The following RPS6KA6 variants were observed in gnomAD, a reference collection of about 807,000 sequenced individuals.
RPS6KA6 encodes ribosomal protein S6 kinase alpha-6.
A neutral mutation model predicts 65.4 loss-of-function variants in RPS6KA6; 27 were observed. The ratio of observed to expected loss-of-function variants is 0.41; its 90% CI spans 0.30 to 0.57. The LOEUF (loss-of-function observed/expected upper bound fraction) is 0.57. Among genes scored for constraint, RPS6KA6 ranks in the 20% least tolerant of loss-of-function variants. RPS6KA6 has a pLI of 0.24. For synonymous variants in RPS6KA6, 190 were observed against 184.2 expected, an observed-to-expected ratio of 1.03 and a Z score of -0.26; for missense variants, 486 against 555.6, an observed-to-expected ratio of 0.87 and a Z score of 1.26.
chrX:84,167,188 A>G (rs2061823554), intron 1 of RPS6KA6, among the ~76,000 whole-genome samples: 1 of 112,013 alleles, frequency 8.9e-6, no homozygotes, highest in African/African-American at 3.2e-5. Flanking sequence ...GAAATCATGG[A>G]GACCAGAAAA....
chrX:84,059,632 G>A lies in RPS6KA6; in HGVS notation c.*4645C>T, dbSNP rs934689434. On this transcript the variant is annotated 3_prime_UTR_variant, in exon 22 of 22. Coordinates refer to ENST00000262752, the MANE Select transcript of RPS6KA6 (RefSeq NM_014496.5). Reference sequence around the variant, plus strand: ...ACATTTTGACAATTTTTTAATAAACGAATGCAGTTAGTACATTCTCTATAA... The same window carrying A: ...ACATTTTGACAATTTTTTAATAAACAAATGCAGTTAGTACATTCTCTATAA... 4.6e-5 allele frequency: 5 copies of A among 108,478 alleles called. No homozygotes were observed. The highest frequency in any genetic ancestry group is 1.3e-4 in the African/African-American group (4 of 30,139). 8.9% of individuals were successfully genotyped at this position (108,478 alleles called of 1,213,427 possible).
At chrX:84,118,631 C>A (rs752952688) in intron 9 of RPS6KA6, among the ~76,000 whole-genome samples, 2 of 111,640 alleles carry the variant, frequency 1.8e-5, no homozygotes, top group Admixed American at 9.5e-5. Flanking sequence ...ATTCTTTGAA[C>A]CCCCTAAAGC....
chrX:84,076,626 C>T (rs1160530367), intron 20 of RPS6KA6, among the ~76,000 whole-genome samples: 1 of 111,345 alleles, frequency 9.0e-6, no homozygotes, highest in African/African-American at 3.3e-5. Context: ...TTTCATCAAA[C>T]CAGAAACAAA....
At chrX:84,131,069 G>A (rs1024316897) in intron 8 of RPS6KA6, among the ~76,000 whole-genome samples, 4 of 111,939 alleles carry the variant, frequency 3.6e-5, no homozygotes, top group African/African-American at 1.3e-4. Context: ...TTTATCCAGT[G>A]TTTCCCATGG....
At chrX:84,115,298 T>C (rs1020148982) in intron 12 of RPS6KA6, among the ~76,000 whole-genome samples, 5 of 111,611 alleles carry the variant, frequency 4.5e-5, no homozygotes, top group Middle Eastern at 4.2e-3. Context: ...GGGCAAAGGA[T>C]ATGAACACGC....
At chrX:84,132,754 G>T (rs1393896691) in intron 8 of RPS6KA6, among the ~76,000 whole-genome samples, 1 of 107,135 alleles carries the variant, frequency 9.3e-6, no homozygotes. Flanking sequence ...TCATTCTACT[G>T]ATCTGTTATA....
chrX:84,075,228 T>G (rs1204849894), intron 20 of RPS6KA6, among the ~76,000 whole-genome samples: 1 of 108,555 alleles, frequency 9.2e-6, no homozygotes, highest in African/African-American at 3.4e-5. Flanking sequence ...CGAGACTCCG[T>G]CGCAAAACAA....
intron 2 of RPS6KA6, among the ~76,000 whole-genome samples, chrX:84,162,705 A>G (rs1407257834): frequency 8.9e-6 from 1 of 112,013 alleles, no homozygotes; most frequent in Non-Finnish European, 1.9e-5. Flanking sequence ...TTGTGAATTT[A>G]TTAATGCTAA....
chrX:84,114,763 A>G (rs1216776990), intron 12 of RPS6KA6, among the ~76,000 whole-genome samples: 1 of 111,962 alleles, frequency 8.9e-6, no homozygotes, highest in Non-Finnish European at 1.9e-5. Flanking sequence ...AAATAGACAC[A>G]TAGATCAATG....
chrX:84,103,395 T>A (rs2147423022), intron 17 of RPS6KA6, among the ~76,000 whole-genome samples: 1 of 110,604 alleles, frequency 9.0e-6, no homozygotes, highest in Admixed American at 9.6e-5. Context: ...TAAAAAAAAA[T>A]GCTGAAATTC....
chrX:84,162,185 C>T (rs2147601607), intron 2 of RPS6KA6, among the ~76,000 whole-genome samples: 1 of 109,954 alleles, frequency 9.1e-6, no homozygotes, highest in African/African-American at 3.3e-5. Flanking sequence ...CTAATACTTA[C>T]CATCACAGAG....
intron 18 of RPS6KA6, among the ~76,000 whole-genome samples, chrX:84,101,081 G>C (rs1057019902): frequency 9.0e-6 from 1 of 110,850 alleles, no homozygotes; most frequent in Non-Finnish European, 1.9e-5. Context: ...ATATATAGAA[G>C]ATAGGAATTC....
intron 20 of RPS6KA6, among the ~76,000 whole-genome samples, chrX:84,084,111 C>T (rs2033864692): frequency 8.9e-6 from 1 of 112,169 alleles, no homozygotes; most frequent in African/African-American, 3.2e-5. Context: ...AATACTAGAC[C>T]TTTGTCAGAT....
chrX:84,182,053 TCTCTCTCTCTCACA>T (rs1466107083), intron 1 of RPS6KA6, among the ~76,000 whole-genome samples: 11 of 93,251 alleles, frequency 1.2e-4, no homozygotes, highest in African/African-American at 2.6e-4. Context: ...TCTCTCTCTC[TCTCTCTCTCTCACA>T]CACACACACA....
At chrX:84,157,371 A>G (rs1441108859) in intron 2 of RPS6KA6, among the ~76,000 whole-genome samples, 1 of 112,017 alleles carries the variant, frequency 8.9e-6, no homozygotes, top group Non-Finnish European at 1.9e-5. Flanking sequence ...CCTTTTAAAT[A>G]GTGATGGTAA....
intron 1 of RPS6KA6, among the ~76,000 whole-genome samples, chrX:84,182,128 G>T (rs1393683740): frequency 9.4e-6 from 1 of 106,522 alleles, no homozygotes; most frequent in African/African-American, 3.4e-5. Context: ...TGTTTCTAAT[G>T]TAGAGATACA....
At chrX:84,151,499 T>C (rs2035325289) in intron 3 of RPS6KA6, among the ~76,000 whole-genome samples, 1 of 110,483 alleles carries the variant, frequency 9.1e-6, no homozygotes, top group Non-Finnish European at 1.9e-5. Context: ...GCTCACTCCA[T>C]TCATTTTTGA....
chrX:84,150,393 A>G (rs1487290461), intron 3 of RPS6KA6, among the ~76,000 whole-genome samples: 1 of 111,623 alleles, frequency 9.0e-6, no homozygotes, highest in Non-Finnish European at 1.9e-5. Context: ...CTTTTAGCCT[A>G]CCTCAGATTT....
intron 20 of RPS6KA6, among the ~76,000 whole-genome samples, chrX:84,066,709 C>T (rs1286038409): frequency 9.0e-6 from 1 of 111,498 alleles, no homozygotes; most frequent in Non-Finnish European, 1.9e-5. Context: ...CTTTCCTGCC[C>T]GCCAGCTCTG....
Sources: allele counts gnomAD v4.1 joint callset (sites outside exome capture counted in the v4.1 genomes callset), GRCh38; gene constraint gnomAD v4.1.1; transcripts MANE v1.5; gene names NCBI Gene and HGNC (gene_info 2026-07-23, HGNC 2026-07-21).